The following NAA11 variants were observed in gnomAD, a reference collection of about 807,000 sequenced individuals.
NAA11 encodes the protein N-alpha-acetyltransferase 11, NatA catalytic subunit.
A neutral mutation model predicts 16.1 loss-of-function variants in NAA11; 15 were observed. The observed-to-expected ratio is 0.93, with a 90% confidence interval of 0.62 to 1.44. The LOEUF (loss-of-function observed/expected upper bound fraction) is 1.44. NAA11 is among the 40% of genes most tolerant of loss of function. The pLI is 0.00. For synonymous variants in NAA11, 122 were observed against 112.4 expected (o/e 1.09, Z -0.54); for missense variants, 298 against 291.3 (o/e 1.02, Z -0.17).
At chr4:79,242,823 T>C (rs578071113) in intron 2 of NAA11, among the ~76,000 whole-genome samples, 12 of 152,356 alleles carry the variant, frequency 7.9e-5, no homozygotes, top group African/African-American at 2.2e-4. Flanking sequence ...ATTGGCTATA[T>C]GGTAGTTACA....
chr4:79,160,037 G>A, the NAA11 span, among the ~76,000 whole-genome samples: 1 of 149,384 alleles, frequency 6.7e-6, no homozygotes, highest in Non-Finnish European at 1.5e-5. Flanking sequence ...TGTTGCCCAG[G>A]CTGGAGTGCA....
At chr4:79,181,334 C>T in the NAA11 span, among the ~76,000 whole-genome samples, 1 of 152,034 alleles carries the variant, frequency 6.6e-6, no homozygotes, top group African/African-American at 2.4e-5. Context: ...TTCTTGCTCA[C>T]ATCCCATGTG....
chr4:79,278,609 G>A (rs542517347), intron 2 of NAA11, among the ~76,000 whole-genome samples: 1 of 152,024 alleles, frequency 6.6e-6, no homozygotes, highest in South Asian at 2.1e-4. Context: ...ACCACTCAGG[G>A]CATAATAGTG....
chr4:79,295,796 A>G (rs115393906), intron 1 of NAA11, among the ~76,000 whole-genome samples: 2 of 152,366 alleles, frequency 1.3e-5, no homozygotes, highest in African/African-American at 2.4e-5. Flanking sequence ...AGTATTTTCT[A>G]TCTCCATCAT....
At chr4:79,312,897 C>T (rs1018023101), downstream of NAA11, among the ~76,000 whole-genome samples, 3 of 152,024 alleles carry the variant, frequency 2.0e-5, no homozygotes, top group Admixed American at 6.6e-5. Flanking sequence ...AAGTACAGTT[C>T]GCTTTACCTG....
downstream of NAA11, among the ~76,000 whole-genome samples, chr4:79,224,724 T>C (rs1018571672): frequency 6.6e-6 from 1 of 151,898 alleles, no homozygotes; most frequent in African/African-American, 2.4e-5. Flanking sequence ...TGATAGAATT[T>C]TGAGAGATGA....
At chr4:79,194,851 A>G in the NAA11 span, among the ~76,000 whole-genome samples, 1 of 152,046 alleles carries the variant, frequency 6.6e-6, no homozygotes, top group South Asian at 2.1e-4. Flanking sequence ...TTTTATGATG[A>G]AAAAAACTAA....
the NAA11 span, among the ~76,000 whole-genome samples, chr4:79,204,926 T>TACACAC: frequency 0.19 from 7,435 of 39,516 alleles, 258 homozygotes; most frequent in East Asian, 0.37. Context: ...CCATGGTGTG[T>TACACAC]ATACACACAC....
the NAA11 span, among the ~76,000 whole-genome samples, chr4:79,186,692 A>C: frequency 2.0e-5 from 3 of 152,210 alleles, no homozygotes; most frequent in South Asian, 4.1e-4. Context: ...AGATAAAAAG[A>C]GATGGATTTT....
chr4:79,253,726 G>A (rs1722043929), intron 2 of NAA11, among the ~76,000 whole-genome samples: 1 of 152,238 alleles, frequency 6.6e-6, no homozygotes, highest in African/African-American at 2.4e-5. Flanking sequence ...ATGGGCAGTA[G>A]TTGTAGGAGG....
At chr4:79,184,763 A>T in the NAA11 span, among the ~76,000 whole-genome samples, 2 of 152,176 alleles carry the variant, frequency 1.3e-5, no homozygotes, top group Admixed American at 6.5e-5. Flanking sequence ...TCTTTTGTGG[A>T]AATAAGTATG....
At chr4:79,264,866 C>G (rs1335645173) in intron 2 of NAA11, among the ~76,000 whole-genome samples, 1 of 152,152 alleles carries the variant, frequency 6.6e-6, no homozygotes, top group East Asian at 1.9e-4. Context: ...TATCTCTATT[C>G]TACTGAAGCT....
chr4:79,217,821 A>G, the NAA11 span, among the ~76,000 whole-genome samples: 3 of 152,210 alleles, frequency 2.0e-5, no homozygotes, highest in African/African-American at 7.2e-5. Flanking sequence ...ATAATATCTT[A>G]CATTGTAGGT....
rs578046932 is a variant in NAA11, at chr4:79,286,394, C to G, written c.*122+7611G>C. 1.1e-4 allele frequency among the ~76,000 whole-genome samples: 17 copies of G among 152,052 alleles called. No homozygotes were observed. The South Asian group carries it at 1.2e-3, about 11-fold the overall frequency. On this transcript the variant is annotated intron_variant and NMD_transcript_variant, in intron 2 of 2. Transcript: ENST00000511542. Reference sequence around the variant, plus strand: ...GCAAATAAGGTGAAGGGATGTTTGCCTTGTGTATTCTACATGTTTCTTAAA... The same window carrying G: ...GCAAATAAGGTGAAGGGATGTTTGCGTTGTGTATTCTACATGTTTCTTAAA...
In NAA11 at chr4:79,325,360, C is replaced by T. The variant is rs1724234525; in HGVS notation, c.518G>A (p.Gly173Asp). 3 of 1,613,886 alleles carry T rather than the reference C, an allele frequency of 1.9e-6. No individual in the cohort carries two copies. The highest frequency in any genetic ancestry group is 1.7e-6 in the Non-Finnish European group (2 of 1,179,898). ...DLKKGGYVVLGSRENQETQGS... is the reference protein window; with the variant it reads ...DLKKGGYVVLDSRENQETQGS... ...CTGGGTCTCCTGGTTCTCCCTGGAGCCCAGGACCACATACCCGCCCTTCTT... is the reference window on the plus strand; with the variant it reads ...CTGGGTCTCCTGGTTCTCCCTGGAGTCCAGGACCACATACCCGCCCTTCTT... The change falls in exon 1 of 2, where the codon GGC (glycine) becomes GAC (aspartate). Residue 173 changes from glycine to aspartate, a missense_variant. Coordinates refer to ENST00000286794, the MANE Select transcript of NAA11 (RefSeq NM_032693.3).
At chr4:79,245,795 G>T (rs1043188286) in intron 2 of NAA11, among the ~76,000 whole-genome samples, 6 of 151,880 alleles carry the variant, frequency 4.0e-5, no homozygotes, top group South Asian at 2.1e-4. Flanking sequence ...CCGCCCGTCT[G>T]GGGGGTGAGG....
chr4:79,177,448 G>T, the NAA11 span, among the ~76,000 whole-genome samples: 1 of 151,304 alleles, frequency 6.6e-6, no homozygotes, highest in Admixed American at 6.6e-5. Context: ...TCAAGCTGAA[G>T]AAGGAATGTG....
the NAA11 span, among the ~76,000 whole-genome samples, chr4:79,219,607 C>G: frequency 4.6e-5 from 7 of 152,110 alleles, no homozygotes; most frequent in African/African-American, 7.2e-5. Flanking sequence ...TTTTTCAACT[C>G]TTAAATATAG....
At chr4:79,266,901 A>G (rs17003696) in intron 2 of NAA11, among the ~76,000 whole-genome samples, 2,051 of 152,334 alleles carry the variant, frequency 0.013, 50 homozygotes, top group African/African-American at 0.047. Context: ...TTTTTCCATT[A>G]AACGAGTAAG....
Sources: allele counts gnomAD v4.1 joint callset (sites outside exome capture counted in the v4.1 genomes callset), GRCh38; gene constraint gnomAD v4.1.1; transcripts MANE v1.5; gene names NCBI Gene and HGNC (gene_info 2026-07-23, HGNC 2026-07-21).